PDE8A: variants seen among roughly 807,000 people sequenced by gnomAD.
PDE8A encodes the protein phosphodiesterase 8A.
Under a neutral mutation model 105.0 loss-of-function variants are expected in PDE8A, and 59 were observed. The ratio of observed to expected loss-of-function variants is 0.56; its 90% CI spans 0.46 to 0.70. PDE8A has a LOEUF of 0.70. Among genes scored for constraint, PDE8A ranks in the 30% least tolerant of loss-of-function variants. The pLI, the probability that PDE8A is intolerant of heterozygous loss-of-function variation, is 0.00. For synonymous variants in PDE8A, 355 were observed against 371.9 expected, an observed-to-expected ratio of 0.95 and a Z score of 0.52; for missense variants, 1,014 against 1,045.9, an observed-to-expected ratio of 0.97 and a Z score of 0.42.
chr15:85,098,275 A>G (rs927402407), intron 9 of PDE8A, among the ~76,000 whole-genome samples: 1 of 152,244 alleles, frequency 6.6e-6, no homozygotes, highest in Non-Finnish European at 1.5e-5. Context: ...GTGGATACAC[A>G]AGAAACTGAA....
At chr15:85,092,836 C>T (rs1055111344) in intron 8 of PDE8A, among the ~76,000 whole-genome samples, 2 of 151,990 alleles carry the variant, frequency 1.3e-5, no homozygotes, top group South Asian at 4.1e-4. Flanking sequence ...ACTTGAATAG[C>T]AAGAGACCTG....
chr15:85,061,133 A>C (rs907889982), intron 1 of PDE8A, among the ~76,000 whole-genome samples: 7 of 151,868 alleles, frequency 4.6e-5, no homozygotes, highest in African/African-American at 1.7e-4. Flanking sequence ...CTGACCTCCA[A>C]AGTTTCTGAT....
chr15:85,038,284 T>C (rs1222458020), intron 1 of PDE8A, among the ~76,000 whole-genome samples: 1 of 151,768 alleles, frequency 6.6e-6, no homozygotes. Flanking sequence ...TCTTCGTATA[T>C]TGTGGGTATG....
At chr15:85,041,950 C>A (rs1352561798) in intron 1 of PDE8A, among the ~76,000 whole-genome samples, 1 of 152,180 alleles carries the variant, frequency 6.6e-6, no homozygotes, top group Non-Finnish European at 1.5e-5. Flanking sequence ...TCCTCTGAAA[C>A]CCCAAGTTCC....
chr15:85,106,369 C>T (rs1168849394), intron 11 of PDE8A, among the ~76,000 whole-genome samples: 1 of 152,154 alleles, frequency 6.6e-6, no homozygotes, highest in East Asian at 1.9e-4. Context: ...ACCCTTTTCC[C>T]CACTGACCAT....
At chr15:85,053,431 T>C (rs1012284643) in intron 1 of PDE8A, among the ~76,000 whole-genome samples, 18 of 152,242 alleles carry the variant, frequency 1.2e-4, no homozygotes, top group Admixed American at 1.0e-3. Flanking sequence ...ATTTTCACGA[T>C]ATTGATTCTT....
chr15:85,115,347 C>A, intron 14 of PDE8A, 92 bp from the exon 15 acceptor site: 2 of 786,524 alleles, frequency 2.5e-6, no homozygotes, highest in East Asian at 5.4e-5. Flanking sequence ...GAGGGCTGCC[C>A]TGAGTTGTCC....
In PDE8A at chr15:85,043,588, C is replaced by T. The variant is rs571641222; in HGVS notation, c.187-20782C>T. Among the ~76,000 whole-genome samples, 28 of 152,294 alleles carry T rather than the reference C, an allele frequency of 1.8e-4. No homozygotes were observed. The South Asian group carries it at 2.3e-3, about 12-fold the overall frequency. On this transcript the variant is annotated intron_variant, in intron 1 of 21. Coordinates refer to ENST00000394553, the MANE Select transcript of PDE8A (RefSeq NM_002605.3). ...AATTTTAACATTTCGGGAAAACTTA[C>T]ATTTGTCCCCTGTATTTAATACGTT...
intron 19 of PDE8A, among the ~76,000 whole-genome samples, chr15:85,123,442 T>C (rs901513246): frequency 6.6e-6 from 1 of 151,722 alleles, no homozygotes; most frequent in Non-Finnish European, 1.5e-5. Context: ...CAATAGGCTG[T>C]CTGCAAGCTG....
chr15:85,048,843 A>G (rs1040873676), intron 1 of PDE8A, among the ~76,000 whole-genome samples: 15 of 152,152 alleles, frequency 9.9e-5, no homozygotes, highest in African/African-American at 3.6e-4. Flanking sequence ...GCTCACGCCT[A>G]TAATTCCAGT....
intron 2 of PDE8A, among the ~76,000 whole-genome samples, chr15:85,065,311 A>G (rs2081204813): frequency 8.0e-6 from 1 of 124,532 alleles, no homozygotes; most frequent in African/African-American, 3.1e-5. Flanking sequence ...GAAGGGGAAT[A>G]TCACACTCTG....
At chr15:85,066,953 G>GTT in intron 2 of PDE8A, 61 bp from the exon 3 acceptor site, 15 of 1,284,364 alleles carry the variant, frequency 1.2e-5, no homozygotes, top group Non-Finnish European at 1.6e-5. Context: ...AAAAAAAAGT[G>GTT]TAAGAAATGA....
At chr15:85,007,110 A>G (rs570022025) in intron 1 of PDE8A, among the ~76,000 whole-genome samples, 16 of 152,312 alleles carry the variant, frequency 1.1e-4, no homozygotes, top group African/African-American at 3.4e-4. Context: ...CAGAATGTCC[A>G]GTAGCTACTG....
intron 11 of PDE8A, among the ~76,000 whole-genome samples, chr15:85,101,541 G>C (rs1323563116): frequency 6.6e-6 from 1 of 152,208 alleles, no homozygotes; most frequent in Non-Finnish European, 1.5e-5. Context: ...TAGGTGGGAA[G>C]TTTCCATTTT....
At chr15:85,072,554 G>C (rs2081326728) in intron 3 of PDE8A, among the ~76,000 whole-genome samples, 1 of 152,100 alleles carries the variant, frequency 6.6e-6, no homozygotes, top group Non-Finnish European at 1.5e-5. Flanking sequence ...CCTTTTTCCT[G>C]CTATCTGGAA....
chr15:85,113,774 C>A, intron 13 of PDE8A, 99 bp from the exon 14 acceptor site: 1 of 899,306 alleles, frequency 1.1e-6, no homozygotes, highest in South Asian at 1.7e-5. Flanking sequence ...CCCACCTCAG[C>A]CTCCTGAGTA....
intron 3 of PDE8A, among the ~76,000 whole-genome samples, chr15:85,068,561 C>G (rs1036868392): frequency 6.6e-6 from 1 of 150,634 alleles, no homozygotes; most frequent in East Asian, 1.9e-4. Context: ...TTCCAGTATC[C>G]CTTTTATCCC....
rs527763661 is a variant in PDE8A at position 85,018,420 on chromosome 15, A to G, written c.186+36072A>G. Among the ~76,000 whole-genome samples the G allele has an allele frequency of 6.0e-4, 91 of 152,174 alleles. 1 individual carries two copies. Among genetic ancestry groups the G allele is most frequent in the South Asian group, 2.1e-4 (1 of 4,816 alleles). ...TCTTAAACTCTTTATTTCATTGTGG[A>G]TTATTAACAGTTGGTCCACGGGCCA... On this transcript the variant is annotated intron_variant, in intron 1 of 21. Transcript: ENST00000394553.
intron 1 of PDE8A, among the ~76,000 whole-genome samples, chr15:85,003,007 C>A (rs2080090413): frequency 2.0e-5 from 3 of 151,972 alleles, no homozygotes; most frequent in African/African-American, 7.3e-5. Context: ...CATTTTACTT[C>A]TTTGAGTTTA....
Sources: allele counts gnomAD v4.1 joint callset (sites outside exome capture counted in the v4.1 genomes callset), GRCh38; gene constraint gnomAD v4.1.1; transcripts MANE v1.5; gene names NCBI Gene and HGNC (gene_info 2026-07-23, HGNC 2026-07-21).